Variants in KCND3 observed in about 807,000 individuals in gnomAD.
KCND3 encodes A-type voltage-gated potassium channel KCND3.
Under a neutral mutation model 51.1 loss-of-function variants are expected in KCND3, and 9 were observed. That is an observed-to-expected ratio of 0.18 (90% CI 0.11 to 0.31). KCND3 has a LOEUF of 0.31. Among genes scored for constraint, KCND3 ranks in the 10% least tolerant of loss-of-function variants. KCND3 has a pLI of 1.00. For missense variants in KCND3, 526 were observed against 903.8 expected (o/e 0.58, Z 5.36); for synonymous variants, 349 against 368.0 (o/e 0.95, Z 0.59).
chr1:111,869,409 CCTT>C (rs1668735502), intron 2 of KCND3, among the ~76,000 whole-genome samples: 2 of 152,210 alleles, frequency 1.3e-5, no homozygotes, highest in African/African-American at 4.8e-5. Flanking sequence ...CATCACTTCA[CCTT>C]CTTCCATCCC....
chr1:111,949,062 C>T (rs967390538), intron 2 of KCND3, among the ~76,000 whole-genome samples: 5 of 152,138 alleles, frequency 3.3e-5, no homozygotes, highest in African/African-American at 4.8e-5. Context: ...AAGCATGACA[C>T]GCAGCCTTTG....
intron 2 of KCND3, among the ~76,000 whole-genome samples, chr1:111,876,937 CCGGGTAGGA>C: frequency 6.6e-6 from 1 of 152,314 alleles, no homozygotes; most frequent in East Asian, 1.9e-4. Context: ...CGTTCTCTCT[CCGGGTAGGA>C]TGGCTCCACA....
rs148446633 is a variant in KCND3 at position 111,830,453 on chromosome 1, C to T, written c.1107-43347G>A. On this transcript the variant is annotated intron_variant, in intron 2 of 7. Transcript: ENST00000302127. Reference sequence around the variant, plus strand: ...CATATCTTAAGCCAGTGGTTTTTCCCGCCTGACCAGGCTAGGACCCAAGTG... The same window carrying T: ...CATATCTTAAGCCAGTGGTTTTTCCTGCCTGACCAGGCTAGGACCCAAGTG... Among the ~76,000 whole-genome samples the T allele has an allele frequency of 1.6e-3, 241 of 152,224 alleles. 1 individual carries two copies. The highest frequency in any genetic ancestry group is 5.5e-3 in the African/African-American group (228 of 41,538).
At chr1:111,827,885 C>G (rs139101950) in intron 2 of KCND3, among the ~76,000 whole-genome samples, 1 of 152,112 alleles carries the variant, frequency 6.6e-6, no homozygotes. Context: ...CAGCAGGGGG[C>G]CCTGCTATCT....
chr1:111,802,449 C>T (rs1440089371), intron 2 of KCND3, among the ~76,000 whole-genome samples: 2 of 152,228 alleles, frequency 1.3e-5, no homozygotes, highest in Non-Finnish European at 2.9e-5. Context: ...AAGTCCCTGG[C>T]CTGCAAGTCT....
At chr1:111,845,351 T>C (rs1331635277) in intron 2 of KCND3, among the ~76,000 whole-genome samples, 1 of 152,146 alleles carries the variant, frequency 6.6e-6, no homozygotes, top group South Asian at 2.1e-4. Flanking sequence ...TGCTCTCTTC[T>C]CCTACTCCAT....
chr1:111,777,034 G>A lies in KCND3; in HGVS notation c.1758C>T (p.Leu586=). The A allele has an allele frequency of 6.2e-7, 1 of 1,613,488 alleles. No homozygotes were observed. Among genetic ancestry groups the A allele is most frequent in the Non-Finnish European group, 8.5e-7 (1 of 1,179,870 alleles). ...IHIQGSEQPS[L]TTSRSSLNLK... is the part of the protein sequence containing the mutation. ...GGATGGAAGCCACCCACCTGGTTGT[G>A]AGGGAGGGCTGCTCACTGCCCTGGA... is the stretch of plus-strand genomic sequence containing the variant. The change falls in exon 7 of 8, where the codon CTC becomes CTT. Residue 586 remains leucine, a synonymous_variant. Coordinates refer to ENST00000302127, the MANE Select transcript of KCND3 (RefSeq NM_001378969.1).
intron 2 of KCND3, among the ~76,000 whole-genome samples, chr1:111,905,912 G>A (rs1670630784): frequency 6.6e-6 from 1 of 152,204 alleles, no homozygotes; most frequent in Admixed American, 6.5e-5. Flanking sequence ...CTGCAGCATT[G>A]GCCCCTGTAT....
At chr1:111,955,573 C>T (rs912136669) in intron 2 of KCND3, among the ~76,000 whole-genome samples, 5 of 152,146 alleles carry the variant, frequency 3.3e-5, no homozygotes, top group South Asian at 2.1e-4. Flanking sequence ...TTTACATGTG[C>T]GTCTCCCTCG....
intron 2 of KCND3, among the ~76,000 whole-genome samples, chr1:111,835,281 AGTT>A (rs1667021025): frequency 6.6e-6 from 1 of 152,174 alleles, no homozygotes; most frequent in Non-Finnish European, 1.5e-5. Context: ...GATCATTTTT[AGTT>A]GTTGATTTTA....
intron 2 of KCND3, among the ~76,000 whole-genome samples, chr1:111,951,004 C>G (rs1557740626): frequency 1.3e-5 from 2 of 152,032 alleles, no homozygotes; most frequent in South Asian, 4.2e-4. Context: ...AACCCTGTCT[C>G]TACTAAAAAT....
At chr1:111,859,005 C>T (rs1668217038) in intron 2 of KCND3, among the ~76,000 whole-genome samples, 1 of 152,240 alleles carries the variant, frequency 6.6e-6, no homozygotes, top group Non-Finnish European at 1.5e-5. Context: ...CACAATAGCT[C>T]TCTCACTGGT....
intron 2 of KCND3, among the ~76,000 whole-genome samples, chr1:111,865,918 C>G (rs1668541307): frequency 6.6e-6 from 1 of 152,156 alleles, no homozygotes; most frequent in Non-Finnish European, 1.5e-5. Context: ...GTTGCCTAGG[C>G]TGGTCTTAAA....
intron 2 of KCND3, among the ~76,000 whole-genome samples, chr1:111,936,501 G>A (rs904044156): frequency 6.6e-6 from 1 of 152,224 alleles, no homozygotes; most frequent in South Asian, 2.1e-4. Context: ...GGAACAGTAA[G>A]AGCAAAGGGT....
chr1:111,814,580 G>A (rs930835130), intron 2 of KCND3, among the ~76,000 whole-genome samples: 1 of 152,198 alleles, frequency 6.6e-6, no homozygotes, highest in Admixed American at 6.5e-5. Context: ...AGTAACTGAT[G>A]TGCCTCTGTC....
chr1:111,944,180 A>G (rs891187847), intron 2 of KCND3, among the ~76,000 whole-genome samples: 3 of 152,168 alleles, frequency 2.0e-5, no homozygotes, highest in Admixed American at 2.0e-4. Context: ...GGTAGAGGGA[A>G]GCCCAGGCCC....
chr1:111,872,765 C>G (rs1668883809), intron 2 of KCND3, among the ~76,000 whole-genome samples: 3 of 152,156 alleles, frequency 2.0e-5, no homozygotes, highest in South Asian at 2.1e-4. Context: ...AAATTATGAT[C>G]AATTCCACTT....
chr1:111,857,060 C>G (rs1668108161), intron 2 of KCND3, among the ~76,000 whole-genome samples: 2 of 152,244 alleles, frequency 1.3e-5, no homozygotes, highest in Admixed American at 6.5e-5. Context: ...CTCTAACCTT[C>G]TCTGCCTCCA....
At position 111,775,992 on chromosome 1, in the gene KCND3, G is replaced by T; in HGVS notation, c.*85C>A. On this transcript the variant is annotated 3_prime_UTR_variant, in exon 8 of 8. Transcript: ENST00000302127. ...CAGGCAGAAATAGTGGGGAAAGGGGGGAGGGAGTGGTCTCAGTGACCACCC... is the reference window on the plus strand; with the variant it reads ...CAGGCAGAAATAGTGGGGAAAGGGGTGAGGGAGTGGTCTCAGTGACCACCC... The T allele has an allele frequency of 7.3e-7, 1 of 1,375,910 alleles. No homozygotes were observed. Among genetic ancestry groups the T allele is most frequent in the Non-Finnish European group, 1.0e-6 (1 of 965,412 alleles). The allele number at this position is 1,375,910 out of a possible 1,614,324, so 85.2% of individuals were successfully genotyped here. A position where few individuals can be genotyped will look rare whatever the true frequency, so the allele number is the denominator to read the frequency against.
Sources: gnomAD v4.1 joint callset for allele counts (sites outside exome capture counted in the v4.1 genomes callset) on GRCh38, gnomAD v4.1.1 for gene constraint, MANE v1.5 for transcripts, NCBI Gene and HGNC (gene_info 2026-07-23, HGNC 2026-07-21) for gene names.